GAD2: variants seen among roughly 807,000 people sequenced by gnomAD.
GAD2 encodes glutamate decarboxylase 2.
A neutral mutation model predicts 80.1 loss-of-function variants in GAD2; 22 were observed. The observed-to-expected ratio is 0.27, with a 90% confidence interval of 0.20 to 0.39. The LOEUF (loss-of-function observed/expected upper bound fraction) is 0.39. GAD2 is among the 10% of genes least tolerant of loss of function. The probability of loss-of-function intolerance (pLI) is 1.00; values close to 1 mark genes in which losing one functional copy is unlikely to be tolerated. For missense variants in GAD2, 624 were observed against 738.4 expected (o/e 0.85, Z 1.80); for synonymous variants, 274 against 256.9 (o/e 1.07, Z -0.64).
intron 13 of GAD2, among the ~76,000 whole-genome samples, chr10:26,288,039 T>C (rs2132317060): frequency 6.6e-6 from 1 of 152,320 alleles, no homozygotes; most frequent in South Asian, 2.1e-4. Context: ...CTTATGCTTT[T>C]GTTTATAATT....
At chr10:26,273,057 A>G (rs940633409) in intron 10 of GAD2, among the ~76,000 whole-genome samples, 1 of 152,242 alleles carries the variant, frequency 6.6e-6, no homozygotes, top group Admixed American at 6.5e-5. Flanking sequence ...TACTACACCA[A>G]TTCAAATCTT....
rs1012284443 is a variant in GAD2, at chr10:26,303,873, A to G, written c.*2912A>G. 1.3e-5 allele frequency: 2 copies of G among 152,208 alleles called. No individual in the cohort carries two copies. Among genetic ancestry groups the G allele is most frequent in the African/African-American group, 4.8e-5 (2 of 41,444 alleles). 9.4% of individuals were successfully genotyped at this position (152,208 alleles called of 1,614,324 possible). A position where few individuals can be genotyped will look rare whatever the true frequency, so the allele number is the denominator to read the frequency against. ...GAACTGTACAGTGTTGCAAATCAAC[A>G]TGTGTTTCTGTAAAAGCTTGTACAA... On this transcript the variant is annotated 3_prime_UTR_variant, in exon 16 of 16. Coordinates refer to ENST00000376261, the MANE Select transcript of GAD2 (RefSeq NM_001134366.2).
At chr10:26,277,844 G>A (rs1371994529) in intron 11 of GAD2, among the ~76,000 whole-genome samples, 2 of 152,120 alleles carry the variant, frequency 1.3e-5, no homozygotes, top group African/African-American at 4.8e-5. Flanking sequence ...TGGCGATTGG[G>A]GCCTATGGAT....
chr10:26,300,224 C>A (rs1007533522), intron 15 of GAD2, among the ~76,000 whole-genome samples: 1 of 152,112 alleles, frequency 6.6e-6, no homozygotes, highest in Admixed American at 6.5e-5. Context: ...GTGAGTTCAG[C>A]TTTTTGTCCC....
intron 13 of GAD2, among the ~76,000 whole-genome samples, chr10:26,292,222 A>G (rs946026934): frequency 2.0e-5 from 3 of 152,158 alleles, no homozygotes; most frequent in Non-Finnish European, 4.4e-5. Context: ...TTGCCTGGGG[A>G]ATGGAGGCTC....
intron 15 of GAD2, among the ~76,000 whole-genome samples, chr10:26,295,325 A>C (rs1834261315): frequency 6.6e-6 from 1 of 152,190 alleles, no homozygotes; most frequent in Non-Finnish European, 1.5e-5. Context: ...CTCCAATTTT[A>C]TTACTGTAAT....
chr10:26,268,908 G>A (rs1020046029), intron 8 of GAD2, among the ~76,000 whole-genome samples: 3 of 152,096 alleles, frequency 2.0e-5, no homozygotes, highest in Admixed American at 6.6e-5. Context: ...AACACAATAC[G>A]GTCACAAGTC....
intron 15 of GAD2, among the ~76,000 whole-genome samples, chr10:26,294,744 G>A (rs1834254765): frequency 6.6e-6 from 1 of 152,204 alleles, no homozygotes; most frequent in African/African-American, 2.4e-5. Flanking sequence ...AGCCCACAGG[G>A]TGGGAGGGAA....
Position 26,217,914 on chromosome 10 carries a change from A to T in GAD2, c.209A>T (p.Lys70Met), listed in dbSNP as rs1227718230. The T allele has an allele frequency of 1.7e-5, 27 of 1,610,988 alleles. No individual in the cohort carries two copies. The Admixed American group carries it at 4.5e-4, about 27-fold the overall frequency. The change falls in exon 3 of 16, where the codon AAG (lysine) becomes ATG (methionine). Residue 70 changes from lysine to methionine, a missense_variant. Coordinates refer to ENST00000376261, the MANE Select transcript of GAD2 (RefSeq NM_001134366.2). This position sits in a 1 kb window ranked among gnomAD's most constrained non-coding sequence, Gnocchi z 4.9. ...GSQPPRAAAR[K>M]AACACDQKPC... is the part of the protein sequence containing the mutation. Reference sequence around the variant, plus strand: ...CAACCCCCGCGGGCCGCCGCCCGGAAGGCCGCCTGCGCCTGCGACCAGAAG... The same window carrying T: ...CAACCCCCGCGGGCCGCCGCCCGGATGGCCGCCTGCGCCTGCGACCAGAAG...
chr10:26,274,230 T>C (rs1845171956), intron 11 of GAD2, among the ~76,000 whole-genome samples: 1 of 152,216 alleles, frequency 6.6e-6, no homozygotes, highest in South Asian at 2.1e-4. Flanking sequence ...TCATGTTTCA[T>C]TCCCGTAATA....
intron 4 of GAD2, among the ~76,000 whole-genome samples, 157 bp from the exon 5 acceptor site, chr10:26,223,727 GTTC>G (rs1564655912): frequency 1.3e-5 from 2 of 150,406 alleles, no homozygotes; most frequent in African/African-American, 4.9e-5. Flanking sequence ...GTGTGTGTGT[GTTC>G]TTGTGCATAC....
rs556880856 is a variant in GAD2, at chr10:26,248,281, T to C, written c.920+2281T>C. Among the ~76,000 whole-genome samples the C allele has an allele frequency of 2.6e-5, 4 of 152,310 alleles. No individual in the cohort carries two copies. In the South Asian group the frequency reaches 8.3e-4, roughly 32 times the overall value. ...TAGGCGAATTCAAAGGTTTTCTGAT[T>C]TGCAGTGGGTTAAGGAAGAGCAGCT... On this transcript the variant is annotated intron_variant, in intron 8 of 15. Transcript: ENST00000376261.
intron 4 of GAD2, among the ~76,000 whole-genome samples, chr10:26,222,036 C>A (rs1844459125): frequency 6.6e-6 from 1 of 152,172 alleles, no homozygotes; most frequent in Non-Finnish European, 1.5e-5. Context: ...TCGAGAGAGC[C>A]TGTTGATCTG....
At chr10:26,245,774 A>G in intron 7 of GAD2, 147 bp from the exon 8 acceptor site, 1 of 647,336 alleles carries the variant, frequency 1.5e-6, no homozygotes, top group Non-Finnish European at 2.6e-6. Flanking sequence ...AGCACAAGTG[A>G]AGGATGCCAT....
intron 7 of GAD2, among the ~76,000 whole-genome samples, chr10:26,240,791 G>C (rs1016434655): frequency 2.7e-4 from 41 of 150,936 alleles, no homozygotes; most frequent in African/African-American, 9.0e-4. Context: ...CAGCACTTTG[G>C]GAGGCCGAGG....
At chr10:26,295,508 GCACA>G (rs61216190) in intron 15 of GAD2, among the ~76,000 whole-genome samples, 2,149 of 133,830 alleles carry the variant, frequency 0.016, 21 homozygotes, top group Middle Eastern at 0.06. Context: ...TCATACGCAT[GCACA>G]CACACACACA....
At chr10:26,251,442 A>C (rs1470407990) in intron 8 of GAD2, among the ~76,000 whole-genome samples, 1 of 152,218 alleles carries the variant, frequency 6.6e-6, no homozygotes, top group Admixed American at 6.5e-5. Context: ...AAAACAAAAA[A>C]GTAATGGCGC....
At chr10:26,270,917 C>T (rs1463816148) in intron 10 of GAD2, among the ~76,000 whole-genome samples, 161 bp downstream of exon 10, 3 of 152,168 alleles carry the variant, frequency 2.0e-5, no homozygotes, top group Non-Finnish European at 4.4e-5. Flanking sequence ...TAGCACACAA[C>T]TCACACAGTA....
intron 3 of GAD2, among the ~76,000 whole-genome samples, chr10:26,218,798 CAA>C (rs1844417432): frequency 6.6e-6 from 1 of 151,994 alleles, no homozygotes; most frequent in African/African-American, 2.4e-5. Flanking sequence ...AGAAGGCAAA[CAA>C]TATAAGTTAT....
Sources: gnomAD v4.1 joint callset for allele counts (sites outside exome capture counted in the v4.1 genomes callset) on GRCh38, gnomAD v4.1.1 for gene constraint, Gnocchi (gnomAD v3.1) non-coding constraint, MANE v1.5 for transcripts, NCBI Gene and HGNC (gene_info 2026-07-23, HGNC 2026-07-21) for gene names.